BDP1: variants seen among roughly 807,000 people sequenced by gnomAD.
The protein encoded by BDP1 is transcription factor TFIIIB component B'' homolog.
BDP1 carries 169 observed loss-of-function variants against 266.6 expected under a neutral mutation model. The observed-to-expected ratio is 0.63, with a 90% CI of 0.56 to 0.72. The LOEUF (loss-of-function observed/expected upper bound fraction) is 0.72. Among genes scored for constraint, BDP1 ranks in the 30% least tolerant of loss-of-function variants. The pLI is 0.00. For missense variants in BDP1, 3,015 were observed against 3,053.8 expected, an observed-to-expected ratio of 0.99 and a Z score of 0.30; for synonymous variants, 1,090 against 1,022.4, an observed-to-expected ratio of 1.07 and a Z score of -1.26.
chr5:71,470,531 A>G lies in BDP1; in HGVS notation c.1014+42A>G, dbSNP rs775594559. ...ACATTTGTTGATTGGAAAGAGACCA[A>G]ACATTACAAATGTTAGTAGTATTAT... On this transcript the variant is annotated intron_variant, in intron 7 of 38. Transcript: ENST00000358731. The G allele has an allele frequency of 7.9e-6, 10 of 1,270,106 alleles. No individual in the cohort carries two copies. In the South Asian group the frequency reaches 1.3e-4, roughly 16 times the overall value. 78.7% of individuals were successfully genotyped at this position (1,270,106 alleles called of 1,614,324 possible).
chr5:71,477,558 G>T lies in BDP1; in HGVS notation c.1015-6284G>T, dbSNP rs552178388. ...AACTAAATGATCACAACTGATTACA[G>T]ATTTCTTTTTTAATATTAAAAATTT... On this transcript the variant is annotated intron_variant, in intron 7 of 38. Transcript: ENST00000358731. 5.3e-5 allele frequency among the ~76,000 whole-genome samples: 8 copies of T among 151,780 alleles called. No homozygotes were observed. The East Asian group carries it at 1.5e-3, about 29-fold the overall frequency.
At chr5:71,517,802 G>A (rs756567781) in intron 22 of BDP1, among the ~76,000 whole-genome samples, 2 of 152,058 alleles carry the variant, frequency 1.3e-5, no homozygotes, top group Non-Finnish European at 2.9e-5. Flanking sequence ...AGTGGTTCAC[G>A]CCTGTAATCT....
At chr5:71,517,997 A>G (rs1460138032) in intron 22 of BDP1, among the ~76,000 whole-genome samples, 1 of 152,214 alleles carries the variant, frequency 6.6e-6, no homozygotes, top group Non-Finnish European at 1.5e-5. Context: ...ACAGTATACT[A>G]TATTTAGAGG....
At position 71,483,754 on chromosome 5, in the gene BDP1, A is replaced by G. The variant is rs1301379301; in HGVS notation, c.1015-88A>G. The G allele has an allele frequency of 2.1e-5, 20 of 932,602 alleles. No individual in the cohort carries two copies. In the Admixed American group the frequency reaches 2.7e-4, roughly 12 times the overall value. The allele number at this position is 932,602 out of a possible 1,614,324, so 57.8% of individuals were successfully genotyped here. A position where few individuals can be genotyped will look rare whatever the true frequency, so the allele number is the denominator to read the frequency against. ...AAGTAGAGAGCAGTATGTTATTCCT[A>G]AGAGTTTCATTTTAATGCTTACTGC... On this transcript the variant is annotated intron_variant, in intron 7 of 38. Transcript: ENST00000358731.
At chr5:71,576,543 A>G in the BDP1 span, among the ~76,000 whole-genome samples, 2 of 152,190 alleles carry the variant, frequency 1.3e-5, no homozygotes, top group African/African-American at 4.8e-5. Context: ...TGTGCTGACT[A>G]TACAGAATGG....
At chr5:71,469,827 G>A (rs1260877992) in intron 6 of BDP1, among the ~76,000 whole-genome samples, 1 of 149,000 alleles carries the variant, frequency 6.7e-6, no homozygotes, top group Non-Finnish European at 1.5e-5. Flanking sequence ...ATGTTGGCCC[G>A]GCTGGTCTCA....
intron 4 of BDP1, among the ~76,000 whole-genome samples, chr5:71,465,794 T>C (rs1432992369): frequency 6.6e-6 from 1 of 152,020 alleles, no homozygotes; most frequent in African/African-American, 2.4e-5. Flanking sequence ...GGCAGTAGAA[T>C]GGTGTGAACC....
At chr5:71,506,399 C>T (rs1764576928) in intron 16 of BDP1, among the ~76,000 whole-genome samples, 1 of 152,066 alleles carries the variant, frequency 6.6e-6, no homozygotes, top group South Asian at 2.1e-4. Context: ...AAAGTTTTCC[C>T]CCTCTCCTAC....
At chr5:71,525,293 G>T (rs1372673690) in intron 25 of BDP1, among the ~76,000 whole-genome samples, 22 of 149,508 alleles carry the variant, frequency 1.5e-4, no homozygotes, top group Non-Finnish European at 2.8e-4. Flanking sequence ...TCCCGGACGG[G>T]GCGGCTGGCC....
intron 26 of BDP1, among the ~76,000 whole-genome samples, chr5:71,532,766 C>T (rs1766327563): frequency 6.6e-6 from 1 of 152,158 alleles, no homozygotes; most frequent in African/African-American, 2.4e-5. Context: ...GAAATTGTAA[C>T]TTTTTAAAAA....
intron 38 of BDP1, 24 bp downstream of exon 38, chr5:71,562,544 A>C (rs1172468130): frequency 6.2e-6 from 10 of 1,604,770 alleles, no homozygotes; most frequent in Non-Finnish European, 8.5e-6. Context: ...ACTGTATTTT[A>C]TAGTTTGTAT....
rs1743735422 is a variant in BDP1 at position 71,562,385 on chromosome 5, T to C, written c.7608T>C (p.Pro2536=). ...AGAAACGCCTAAAACCTCTTATACC[T>C]GGATTAAGAAAGAAATTGAAAAGAT... The part of the protein sequence containing the change: ...HSKKRLKPLI[P]GLRKKLKRSN... Residue 2536 remains proline, a synonymous_variant, in exon 38 of 39, where the codon CCT becomes CCC. Coordinates refer to ENST00000358731, the MANE Select transcript of BDP1 (RefSeq NM_018429.3). The C allele has an allele frequency of 6.2e-7, 1 of 1,613,800 alleles. No individual in the cohort carries two copies. Among genetic ancestry groups the C allele is most frequent in the African/African-American group, 1.3e-5 (1 of 74,876 alleles).
In BDP1 at chr5:71,567,525, T is replaced by G. The variant is rs1419210973; in HGVS notation, c.*2640T>G. 1 of 152,598 alleles carries G rather than the reference T, an allele frequency of 6.6e-6. No homozygotes were observed. The highest frequency in any genetic ancestry group is 1.5e-5 in the Non-Finnish European group (1 of 68,040). 9.5% of individuals were successfully genotyped at this position (152,598 alleles called of 1,614,324 possible). ...TATTTCACAAATTTTAAAGGAGATA[T>G]GAGTAAAAGTTTTTATCTTTTCTTG... is the stretch of plus-strand genomic sequence containing the variant. On this transcript the variant is annotated 3_prime_UTR_variant, in exon 39 of 39. Coordinates refer to ENST00000358731, the MANE Select transcript of BDP1 (RefSeq NM_018429.3).
In BDP1 at chr5:71,565,160, C is replaced by G; in HGVS notation, c.*275C>G. The G allele has an allele frequency of 3.0e-6, 1 of 333,432 alleles. No individual in the cohort carries two copies. The allele number at this position is 333,432 out of a possible 1,614,324, so 20.7% of individuals were successfully genotyped here. On this transcript the variant is annotated 3_prime_UTR_variant, in exon 39 of 39. Transcript: ENST00000358731. ...AACTCTTGTTTACATTTTGACTCTT[C>G]CTGTGCTAAGCACACATGGACATTT...
intron 5 of BDP1, among the ~76,000 whole-genome samples, chr5:71,466,694 A>G (rs1761928175): frequency 6.6e-6 from 1 of 152,142 alleles, no homozygotes; most frequent in African/African-American, 2.4e-5. Context: ...TTAATTTCTC[A>G]GTTATAACAT....
downstream of BDP1, among the ~76,000 whole-genome samples, chr5:71,571,596 C>T (rs748579197): frequency 8.6e-5 from 13 of 151,406 alleles, no homozygotes; most frequent in Non-Finnish European, 1.0e-4. Flanking sequence ...TTATTAAACA[C>T]GGATTGCTGG....
chr5:71,553,390 C>A (rs1742994605), intron 35 of BDP1, 70 bp downstream of exon 35: 1 of 1,016,584 alleles, frequency 9.8e-7, no homozygotes, highest in African/African-American at 1.6e-5. Context: ...CAGATCTGTT[C>A]CTATTTTTTC....
intron 7 of BDP1, among the ~76,000 whole-genome samples, chr5:71,472,326 T>C (rs948259160): frequency 3.5e-4 from 54 of 152,296 alleles, no homozygotes; most frequent in African/African-American, 1.0e-3. Context: ...CCGGACGTGG[T>C]GGCGCATGCC....
At chr5:71,562,818 C>A in intron 38 of BDP1, 1 of 1,328,268 alleles carries the variant, frequency 7.5e-7, no homozygotes, top group Non-Finnish European at 9.9e-7. Context: ...AGTGCTGACA[C>A]CCACAAGAAT....
Sources: allele counts gnomAD v4.1 joint callset (sites outside exome capture counted in the v4.1 genomes callset), GRCh38; gene constraint gnomAD v4.1.1; transcripts MANE v1.5; gene names NCBI Gene and HGNC (gene_info 2026-07-23, HGNC 2026-07-21).